Variants in SPTLC2 observed in about 807,000 individuals in gnomAD.
SPTLC2 encodes serine palmitoyltransferase 2.
Under a neutral mutation model 62.0 loss-of-function variants are expected in SPTLC2, and 21 were observed. That is an observed-to-expected ratio of 0.34 (90% CI 0.24 to 0.49). SPTLC2 has a LOEUF of 0.49. Among genes scored for constraint, SPTLC2 ranks in the 20% least tolerant of loss-of-function variants. The pLI, the probability that SPTLC2 is intolerant of heterozygous loss-of-function variation, is 0.99. For missense variants in SPTLC2, 511 were observed against 713.0 expected (o/e 0.72, Z 3.23); for synonymous variants, 261 against 261.8 (o/e 1.00, Z 0.03).
intron 2 of SPTLC2, among the ~76,000 whole-genome samples, chr14:77,581,715 ATC>A (rs1360660527): frequency 6.6e-6 from 1 of 152,106 alleles, no homozygotes; most frequent in Non-Finnish European, 1.5e-5. Context: ...CCCAGCCACC[ATC>A]TCTTTTACAA....
At chr14:77,519,250 G>A (rs577251367) in intron 10 of SPTLC2, among the ~76,000 whole-genome samples, 56 of 152,110 alleles carry the variant, frequency 3.7e-4, no homozygotes, top group African/African-American at 1.3e-3. Flanking sequence ...ATGTTGGCCA[G>A]GATGGTCTCG....
At chr14:77,594,729 C>T (rs1457817645) in intron 2 of SPTLC2, among the ~76,000 whole-genome samples, 1 of 152,256 alleles carries the variant, frequency 6.6e-6, no homozygotes, top group African/African-American at 2.4e-5. Context: ...CCTATACTAT[C>T]CCCTCATCCA....
rs1254285932 is a variant in SPTLC2 at position 77,583,253 on chromosome 14, T to TA, written c.328-4145dup. 1.1e-3 allele frequency among the ~76,000 whole-genome samples: 151 copies of TA among 143,538 alleles called. 1 individual carries two copies. The highest frequency in any genetic ancestry group is 1.9e-3 in the Non-Finnish European group (124 of 65,180). 94.2% of individuals were successfully genotyped at this position (143,538 alleles called of 152,430 possible). On this transcript the variant is annotated intron_variant, in intron 2 of 11. Coordinates refer to ENST00000216484, the MANE Select transcript of SPTLC2 (RefSeq NM_004863.4). The stretch of plus-strand genomic sequence containing the variant: ...AATAAATAAATAAAAATAATAATTT[T>TA]AAAAAAGATGAGAAGGGCAGCAAAC...
At chr14:77,566,122 T>C (rs2079643582) in intron 5 of SPTLC2, among the ~76,000 whole-genome samples, 1 of 152,180 alleles carries the variant, frequency 6.6e-6, no homozygotes, top group Non-Finnish European at 1.5e-5. Flanking sequence ...AATATTTTTC[T>C]GGCAAACCTG....
intron 1 of SPTLC2, among the ~76,000 whole-genome samples, chr14:77,608,211 ACATT>A (rs1265024570): frequency 6.6e-6 from 1 of 152,168 alleles, no homozygotes; most frequent in Non-Finnish European, 1.5e-5. Context: ...GCTAGTAAGA[ACATT>A]CAGTAAACCG....
intron 9 of SPTLC2, among the ~76,000 whole-genome samples, chr14:77,530,540 G>A (rs1457882744): frequency 6.6e-6 from 1 of 152,068 alleles, no homozygotes; most frequent in Non-Finnish European, 1.5e-5. Context: ...CGTTGGCCAG[G>A]CTCGTCTCAA....
At chr14:77,567,304 C>T (rs899997875) in intron 5 of SPTLC2, among the ~76,000 whole-genome samples, 2 of 152,180 alleles carry the variant, frequency 1.3e-5, no homozygotes, top group African/African-American at 2.4e-5. Flanking sequence ...GTGTAGAAAA[C>T]GTCTAATTCT....
Position 77,557,156 on chromosome 14 carries a change from A to G in SPTLC2, c.851-10T>C. The G allele has an allele frequency of 1.9e-6, 3 of 1,600,968 alleles. No individual in the cohort carries two copies. The highest frequency in any genetic ancestry group is 2.6e-6 in the Non-Finnish European group (3 of 1,169,750). On this transcript the variant is annotated splice_polypyrimidine_tract_variant and intron_variant, in intron 6 of 11. Coordinates refer to ENST00000216484, the MANE Select transcript of SPTLC2 (RefSeq NM_004863.4). ...TCTAGGCTTTGCATATCTACAGAGC[A>G]CAAAAAAGAACAGTTATACCGCATC...
intron 11 of SPTLC2, among the ~76,000 whole-genome samples, chr14:77,513,359 A>C (rs2079342553): frequency 6.6e-6 from 1 of 152,192 alleles, no homozygotes; most frequent in South Asian, 2.1e-4. Context: ...TGGAGAGAGA[A>C]AACCACCAGT....
chr14:77,580,737 G>A (rs2079745412), intron 2 of SPTLC2, among the ~76,000 whole-genome samples: 1 of 151,978 alleles, frequency 6.6e-6, no homozygotes, highest in African/African-American at 2.4e-5. Flanking sequence ...AGAAAAGAAG[G>A]CAGGACACAG....
rs542854755 is a variant in SPTLC2, at chr14:77,607,752, G to C, written c.132+8696C>G. ...TGGTTATATGGGTTTCCTCTACTAA[G>C]AAAATGGGTTTCTAGGAAATGAGGT... On this transcript the variant is annotated intron_variant, in intron 1 of 11. Transcript: ENST00000216484. 3.9e-5 allele frequency among the ~76,000 whole-genome samples: 6 copies of C among 152,250 alleles called. No individual in the cohort carries two copies. In the East Asian group the frequency reaches 9.7e-4, roughly 24 times the overall value.
At chr14:77,529,888 A>T (rs895477701) in intron 9 of SPTLC2, among the ~76,000 whole-genome samples, 1 of 151,642 alleles carries the variant, frequency 6.6e-6, no homozygotes, top group African/African-American at 2.4e-5. Context: ...CAGTAAAGCA[A>T]TTTCTAAGCA....
chr14:77,564,265 G>A (rs1457031771), intron 5 of SPTLC2, among the ~76,000 whole-genome samples: 1 of 140,422 alleles, frequency 7.1e-6, no homozygotes, highest in Non-Finnish European at 1.6e-5. Context: ...AGGAGGAGGA[G>A]GAAGAGGAGG....
chr14:77,555,850 C>T (rs1789416579), intron 7 of SPTLC2, among the ~76,000 whole-genome samples: 1 of 152,078 alleles, frequency 6.6e-6, no homozygotes, highest in African/African-American at 2.4e-5. Flanking sequence ...AACTCCTGGC[C>T]TCAAGTGATA....
At chr14:77,589,743 T>C (rs528076753) in intron 2 of SPTLC2, among the ~76,000 whole-genome samples, 1 of 151,748 alleles carries the variant, frequency 6.6e-6, no homozygotes, top group Non-Finnish European at 1.5e-5. Flanking sequence ...TAAGCCAAGA[T>C]TGCGCCATTG....
At chr14:77,576,145 A>G (rs370120377) in intron 4 of SPTLC2, among the ~76,000 whole-genome samples, 1 of 152,360 alleles carries the variant, frequency 6.6e-6, no homozygotes, top group African/African-American at 2.4e-5. Flanking sequence ...TTACAGTAAT[A>G]AGTATTTGGA....
rs1442615818 is a variant in SPTLC2, at chr14:77,525,650, C to A, written c.1304-4069G>T. Reference sequence around the variant, plus strand: ...GGAGGGCTGGGCATGGTGGCTCACGCCTGTAATCCCAGCACTTTGGGAGGC... The same window carrying A: ...GGAGGGCTGGGCATGGTGGCTCACGACTGTAATCCCAGCACTTTGGGAGGC... On this transcript the variant is annotated intron_variant, in intron 9 of 11. Transcript: ENST00000216484. Among the ~76,000 whole-genome samples the A allele has an allele frequency of 7.9e-5, 12 of 152,144 alleles. No homozygotes were observed. The East Asian group carries it at 2.3e-3, about 29-fold the overall frequency.
chr14:77,613,483 C>G (rs1290506608), intron 1 of SPTLC2, among the ~76,000 whole-genome samples: 1 of 152,220 alleles, frequency 6.6e-6, no homozygotes, highest in African/African-American at 2.4e-5. Flanking sequence ...CACTAAACAG[C>G]AATGTGTGAT....
At chr14:77,565,546 T>C (rs767539188) in intron 5 of SPTLC2, among the ~76,000 whole-genome samples, 2 of 152,198 alleles carry the variant, frequency 1.3e-5, no homozygotes, top group Non-Finnish European at 2.9e-5. Flanking sequence ...GCTTTCTCAA[T>C]AACGCACGGA....
Sources: allele counts gnomAD v4.1 joint callset (sites outside exome capture counted in the v4.1 genomes callset), GRCh38; gene constraint gnomAD v4.1.1; transcripts MANE v1.5; gene names NCBI Gene and HGNC (gene_info 2026-07-23, HGNC 2026-07-21).